Variants in PNPLA7 observed in about 807,000 individuals in gnomAD.
PNPLA7 encodes the protein patatin like domain 7, lysophospholipase.
A neutral mutation model predicts 161.7 loss-of-function variants in PNPLA7; 153 were observed. The ratio of observed to expected loss-of-function variants is 0.95; its 90% CI spans 0.83 to 1.08. The LOEUF is 1.08. Among genes scored for constraint, PNPLA7 ranks in the 50% least tolerant of loss-of-function variants. The pLI is 0.00. For synonymous variants in PNPLA7, 809 were observed against 782.1 expected (o/e 1.03, Z -0.57); for missense variants, 1,739 against 1,856.6 (o/e 0.94, Z 1.16).
intron 20 of PNPLA7, chr9:137,491,401 G>T: frequency 1.2e-6 from 1 of 832,766 alleles, no homozygotes; most frequent in Non-Finnish European, 1.4e-6. Flanking sequence ...AAAAGATAAA[G>T]ATTGTCAGAA....
At chr9:137,509,542 A>AGTG in intron 12 of PNPLA7, 1 of 276,288 alleles carries the variant, frequency 3.6e-6, no homozygotes, top group Non-Finnish European at 7.6e-6. Context: ...AGCTGGTACG[A>AGTG]ATGAGTTTAA....
chr9:137,504,875 G>T (rs1389134257), intron 14 of PNPLA7, among the ~76,000 whole-genome samples: 1 of 152,146 alleles, frequency 6.6e-6, no homozygotes, highest in South Asian at 2.1e-4. Flanking sequence ...CACCATCACG[G>T]CTGTCTTTTT....
chr9:137,478,977 G>A, intron 24 of PNPLA7, 79 bp downstream of exon 24: 1 of 1,438,056 alleles, frequency 7.0e-7, no homozygotes, highest in Admixed American at 2.4e-5. Context: ...AATCAGGTGG[G>A]GAATGTGAAG....
chr9:137,509,270 G>A (rs1281456420), intron 12 of PNPLA7: 4 of 156,966 alleles, frequency 2.5e-5, no homozygotes, highest in African/African-American at 7.2e-5. Flanking sequence ...GAGTTTAGCT[G>A]GCATGAGTGA....
At chr9:137,508,236 A>G (rs1255180533) in intron 12 of PNPLA7, among the ~76,000 whole-genome samples, 3 of 152,076 alleles carry the variant, frequency 2.0e-5, no homozygotes, top group African/African-American at 7.2e-5. Flanking sequence ...AAAAAAAGAA[A>G]AAGAAAAAGT....
At chr9:137,473,994 T>G (rs912557340) in intron 25 of PNPLA7, among the ~76,000 whole-genome samples, 3 of 152,186 alleles carry the variant, frequency 2.0e-5, no homozygotes, top group Non-Finnish European at 4.4e-5. Flanking sequence ...ATCCCGGCAC[T>G]TTGTGAGGCC....
In PNPLA7 at chr9:137,495,161, C is replaced by G. The variant is rs13283256; in HGVS notation, c.2014-15G>C. On this transcript the variant is annotated splice_polypyrimidine_tract_variant and intron_variant, in intron 18 of 34. Coordinates refer to ENST00000406427, the MANE Select transcript of PNPLA7 (RefSeq NM_001098537.3). ...AGTGTCTCCACCTGAGGACAGGAGC[C>G]GGCTGCTGGGGCCGCGGGCTTGGGA... The G allele has an allele frequency of 3.8e-5, 60 of 1,577,816 alleles. No homozygotes were observed. In the Middle Eastern group the frequency reaches 1.3e-3, roughly 35 times the overall value.
In PNPLA7 at chr9:137,497,306, C is replaced by T. The variant is rs768524395; in HGVS notation, c.1894G>A (p.Gly632Arg). 6.4e-7 allele frequency: 1 copy of T among 1,566,662 alleles called. No individual in the cohort carries two copies. Among genetic ancestry groups the T allele is most frequent in the Non-Finnish European group, 8.6e-7 (1 of 1,156,618 alleles). Residue 632 changes from glycine (G) to arginine (R), a missense_variant, in exon 18 of 35, where the codon GGG becomes AGG. Coordinates refer to ENST00000406427, the MANE Select transcript of PNPLA7 (RefSeq NM_001098537.3). ...ATGTACGTGCAGTCGGACTTGTCCC[C>T]CTGCCTGCGGAAGACACAGAGGCCC... ...VEAGRAIYRQ[G>R]DKSDCTYIML... is the part of the protein sequence containing the mutation.
chr9:137,503,801 G>GAAAGAAATAGAAA, intron 14 of PNPLA7, among the ~76,000 whole-genome samples: 12 of 2,304 alleles, frequency 5.2e-3, no homozygotes, highest in African/African-American at 5.9e-3. Flanking sequence ...TGAAGAAGAA[G>GAAAGAAATAGAAA]GAAGAAGGAA....
chr9:137,513,975 G>A (rs544467386), intron 12 of PNPLA7, among the ~76,000 whole-genome samples: 68 of 152,390 alleles, frequency 4.5e-4, no homozygotes, highest in African/African-American at 1.5e-3. Context: ...GCAGGTCTGC[G>A]GCAGGAGCAC....
intron 11 of PNPLA7, among the ~76,000 whole-genome samples, chr9:137,518,070 C>T (rs1369352400): frequency 4.6e-5 from 5 of 109,422 alleles, no homozygotes; most frequent in African/African-American, 8.5e-5. Flanking sequence ...TCCACTCTGT[C>T]CACTCCATCC....
intron 32 of PNPLA7, 134 bp from the exon 33 acceptor site, chr9:137,461,754 G>T: frequency 8.3e-7 from 1 of 1,207,274 alleles, no homozygotes; most frequent in Non-Finnish European, 1.2e-6. Context: ...TAAGGGCAGG[G>T]ACCGGGGAGA....
At chr9:137,461,673 C>A in intron 32 of PNPLA7, 53 bp from the exon 33 acceptor site, 2 of 1,518,846 alleles carry the variant, frequency 1.3e-6, no homozygotes, top group South Asian at 2.4e-5. Flanking sequence ...CCTGCCAGTC[C>A]CCAGCCTGCT....
intron 8 of PNPLA7, among the ~76,000 whole-genome samples, chr9:137,532,303 G>A (rs1835621402): frequency 6.6e-6 from 1 of 152,076 alleles, no homozygotes; most frequent in Admixed American, 6.6e-5. Flanking sequence ...CGGGCATGCT[G>A]GTGTATACCT....
chr9:137,522,740 T>C lies in PNPLA7; in HGVS notation c.865A>G (p.Arg289Gly). 1 of 1,613,452 alleles carries C rather than the reference T, an allele frequency of 6.2e-7. No homozygotes were observed. The highest frequency in any genetic ancestry group is 8.5e-7 in the Non-Finnish European group (1 of 1,179,816). The change falls in exon 9 of 35, where the codon AGG (arginine) becomes GGG (glycine). Residue 289 changes from arginine to glycine, a missense_variant. This residue lies in a region of PNPLA7 where 152 missense variants were observed against 193.5 expected (regional missense o/e 0.79). Coordinates refer to ENST00000406427, the MANE Select transcript of PNPLA7 (RefSeq NM_001098537.3). ...VFEKYPETLV[R>G]VVQIIMVRLQ... ...AAAAAGTGACTCACCTGCACCACCC[T>C]CACCAGAGTTTCCGGATATTTCTCA... is the stretch of plus-strand genomic sequence containing the variant.
At chr9:137,463,721 T>C (rs1831329128) in intron 28 of PNPLA7, among the ~76,000 whole-genome samples, 190 bp from the exon 29 acceptor site, 1 of 152,074 alleles carries the variant, frequency 6.6e-6, no homozygotes, top group South Asian at 2.1e-4. Context: ...CTGCATTACA[T>C]GTGCCCAGGA....
intron 11 of PNPLA7, among the ~76,000 whole-genome samples, chr9:137,518,943 A>C (rs1179171828): frequency 4.9e-5 from 5 of 101,772 alleles, no homozygotes; most frequent in African/African-American, 1.6e-4. Context: ...CACTCTGTCC[A>C]CTCCATCCTC....
At position 137,493,069 on chromosome 9, in the gene PNPLA7, A is replaced by G; in HGVS notation, c.2141T>C (p.Leu714Pro). The G allele has an allele frequency of 6.2e-7, 1 of 1,613,956 alleles. No individual in the cohort carries two copies. Among genetic ancestry groups the G allele is most frequent in the Non-Finnish European group, 8.5e-7 (1 of 1,180,014 alleles). Residue 714 changes from leucine (L) to proline (P), a missense_variant, in exon 20 of 35, where the codon CTG becomes CCG. Transcript: ENST00000406427. The part of the protein sequence containing the change: ...KRRYPQVVTR[L>P]IHLLGEKILG... ...GATCTTCTCACCCAAGAGATGAATC[A>G]GCCGAGTCACCACCTGCGGGCAGAC...
At chr9:137,484,443 T>A (rs1832364717) in intron 21 of PNPLA7, 144 bp downstream of exon 21, 1 of 829,404 alleles carries the variant, frequency 1.2e-6, no homozygotes, top group South Asian at 4.7e-5. Context: ...CTGCCAGCAA[T>A]TTGGAAACAC....
Sources: allele counts gnomAD v4.1 joint callset (sites outside exome capture counted in the v4.1 genomes callset), GRCh38; gene constraint gnomAD v4.1.1; regional missense constraint gnomAD v4.1.1; transcripts MANE v1.5; gene names NCBI Gene and HGNC (gene_info 2026-07-23, HGNC 2026-07-21).